Variants in AOPEP observed in about 807,000 individuals in gnomAD.
AOPEP encodes the protein aminopeptidase O (putative).
AOPEP carries 77 observed loss-of-function variants against 98.1 expected under a neutral mutation model. The observed-to-expected ratio is 0.78, with a 90% CI of 0.65 to 0.95. The LOEUF (loss-of-function observed/expected upper bound fraction) is 0.95, where lower values mean the gene tolerates loss of function less well. Among genes scored for constraint, AOPEP ranks in the 40% least tolerant of loss-of-function variants. AOPEP has a pLI of 0.00. For synonymous variants in AOPEP, 346 were observed against 365.3 expected (o/e 0.95, Z 0.60); for missense variants, 1,024 against 1,024.7 (o/e 1.00, Z 0.01).
the AOPEP span, among the ~76,000 whole-genome samples, chr9:95,134,333 G>A: frequency 0.19 from 29,543 of 152,124 alleles, 3,003 homozygotes; most frequent in Middle Eastern, 0.3. Flanking sequence ...GGGGTTCTAT[G>A]AGCTCAGGAA....
chr9:94,956,343 C>T (rs955341971), intron 9 of AOPEP, among the ~76,000 whole-genome samples: 1 of 152,192 alleles, frequency 6.6e-6, no homozygotes, highest in Non-Finnish European at 1.5e-5. Context: ...GTTTGAACGC[C>T]ACAGGCTCCA....
chr9:95,130,268 G>C, the AOPEP span, among the ~76,000 whole-genome samples: 5 of 151,698 alleles, frequency 3.3e-5, no homozygotes, highest in Admixed American at 3.3e-4. Context: ...ATTTCTTTCT[G>C]TCATTTGCTG....
downstream of AOPEP, among the ~76,000 whole-genome samples, chr9:95,089,079 G>A (rs190000422): frequency 4.6e-5 from 7 of 152,296 alleles, no homozygotes; most frequent in African/African-American, 7.2e-5. Flanking sequence ...TGCCCTCGCC[G>A]GCATCCTTCA....
chr9:94,916,695 A>C (rs1210170600), intron 5 of AOPEP, among the ~76,000 whole-genome samples: 1 of 124,536 alleles, frequency 8.0e-6, no homozygotes, highest in East Asian at 2.2e-4. Context: ...ACTCCCTCTC[A>C]AAAAAAAAAA....
the AOPEP span, chr9:95,111,592 G>A: frequency 9.3e-6 from 15 of 1,614,134 alleles, no homozygotes; most frequent in East Asian, 2.2e-5. Flanking sequence ...CCCATCCTCC[G>A]AAGTGAATGA....
the AOPEP span, among the ~76,000 whole-genome samples, chr9:95,108,231 A>G: frequency 3.3e-5 from 5 of 152,224 alleles, no homozygotes; most frequent in Non-Finnish European, 5.9e-5. Context: ...TCTGACCACA[A>G]TACAAGACCG....
At chr9:94,805,550 C>G (rs1037787771) in intron 5 of AOPEP, among the ~76,000 whole-genome samples, 15 of 151,382 alleles carry the variant, frequency 9.9e-5, no homozygotes, top group African/African-American at 3.6e-4. Context: ...CAATTAAAGA[C>G]CATAGAAAAA....
chr9:94,957,779 A>G lies in AOPEP; in HGVS notation c.1872+1764A>G, dbSNP rs2058565793. Among the ~76,000 whole-genome samples, 3 of 152,108 alleles carry G rather than the reference A, an allele frequency of 2.0e-5. No homozygotes were observed. In the South Asian group the frequency reaches 6.2e-4, roughly 32 times the overall value. ...CTCTATGGATTTGCCTTTTCTGGACATTTCATATAAAAGAATCATATGCTT... is the reference window on the plus strand; with the variant it reads ...CTCTATGGATTTGCCTTTTCTGGACGTTTCATATAAAAGAATCATATGCTT... On this transcript the variant is annotated intron_variant, in intron 9 of 16. Coordinates refer to ENST00000375315, the MANE Select transcript of AOPEP (RefSeq NM_001193329.3).
rs894584758 is a variant in AOPEP, at chr9:95,034,260, A to G, written c.2116-26434A>G. Among the ~76,000 whole-genome samples the G allele has an allele frequency of 5.9e-5, 9 of 152,214 alleles. No homozygotes were observed. The East Asian group carries it at 9.6e-4, about 16-fold the overall frequency. ...CACTTTATTTTTACTGTACTTTTAT[A>G]TAGTAATTTGGACAGGTGTCTTCAT... On this transcript the variant is annotated intron_variant, in intron 13 of 16. Transcript: ENST00000375315.
intron 5 of AOPEP, among the ~76,000 whole-genome samples, chr9:94,910,489 C>T (rs900635743): frequency 1.3e-5 from 2 of 152,214 alleles, no homozygotes; most frequent in Non-Finnish European, 2.9e-5. Flanking sequence ...AGGGTGGGAC[C>T]TAATGCTACT....
At chr9:95,020,561 T>G (rs1475574754) in intron 13 of AOPEP, among the ~76,000 whole-genome samples, 1 of 151,972 alleles carries the variant, frequency 6.6e-6, no homozygotes, top group Non-Finnish European at 1.5e-5. Context: ...ACAGATTATT[T>G]GACATTTTTG....
At chr9:95,134,160 A>G in the AOPEP span, among the ~76,000 whole-genome samples, 464 of 152,300 alleles carry the variant, frequency 3.0e-3, 1 homozygote, top group Middle Eastern at 0.031. Context: ...TGGGAGGCCA[A>G]GGGGAAGGGT....
At chr9:94,750,332 T>C (rs1435848655) in intron 1 of AOPEP, among the ~76,000 whole-genome samples, 5 of 152,162 alleles carry the variant, frequency 3.3e-5, no homozygotes, top group Non-Finnish European at 7.4e-5. Flanking sequence ...ACGCCTGTAA[T>C]CCCAGCACTT....
intron 3 of AOPEP, among the ~76,000 whole-genome samples, chr9:94,782,065 C>A (rs957238383): frequency 6.6e-6 from 1 of 151,404 alleles, no homozygotes; most frequent in Non-Finnish European, 1.5e-5. Context: ...TGGTGGCAGG[C>A]GCGTGTAATC....
chr9:94,933,429 G>A (rs1472011309), intron 7 of AOPEP: 1 of 985,306 alleles, frequency 1.0e-6, no homozygotes, highest in African/African-American at 1.7e-5. Context: ...TTAAATTCAA[G>A]CTCCTGCTGA....
intron 7 of AOPEP, among the ~76,000 whole-genome samples, chr9:94,946,394 C>T (rs1264389546): frequency 1.3e-5 from 2 of 152,122 alleles, no homozygotes; most frequent in African/African-American, 2.4e-5. Context: ...GACAGATGGC[C>T]ACTCAGCTTC....
At chr9:95,107,065 C>G in the AOPEP span, 5 of 1,614,142 alleles carry the variant, frequency 3.1e-6, no homozygotes, top group South Asian at 5.5e-5. Flanking sequence ...GGGAGACTTA[C>G]CAGGGTGATG....
chr9:95,134,162 G>A, the AOPEP span, among the ~76,000 whole-genome samples: 2 of 152,316 alleles, frequency 1.3e-5, no homozygotes, highest in Admixed American at 1.3e-4. Context: ...GGAGGCCAAG[G>A]GGAAGGGTGA....
chr9:95,038,904 G>A (rs2065053554), intron 13 of AOPEP, among the ~76,000 whole-genome samples: 1 of 152,184 alleles, frequency 6.6e-6, no homozygotes, highest in South Asian at 2.1e-4. Context: ...ACTAGAAATT[G>A]GGACTTACGG....
Sources: allele counts gnomAD v4.1 joint callset (sites outside exome capture counted in the v4.1 genomes callset), GRCh38; gene constraint gnomAD v4.1.1; transcripts MANE v1.5; gene names NCBI Gene and HGNC (gene_info 2026-07-23, HGNC 2026-07-21).